Variants in PSMA3 observed in about 807,000 individuals in gnomAD.
PSMA3 encodes the protein proteasome 20S subunit alpha 3.
PSMA3 carries 8 observed loss-of-function variants against 40.0 expected under a neutral mutation model. The observed-to-expected ratio is 0.20, with a 90% CI of 0.12 to 0.36. PSMA3 has a LOEUF of 0.36. Ranked by LOEUF, PSMA3 falls within the 10% of genes least tolerant of loss-of-function variation. PSMA3 has a pLI of 1.00. For synonymous variants in PSMA3, 110 were observed against 100.0 expected (o/e 1.10, Z -0.59); for missense variants, 219 against 310.6 (o/e 0.70, Z 2.22).
chr14:58,255,163 T>C (rs995159229), intron 3 of PSMA3, among the ~76,000 whole-genome samples: 2 of 145,500 alleles, frequency 1.4e-5, no homozygotes, highest in African/African-American at 2.6e-5. Context: ...ACTTAGTGTT[T>C]ACATCCTAAA....
At chr14:58,264,196 T>C (rs1890367019) in intron 7 of PSMA3, among the ~76,000 whole-genome samples, 1 of 152,210 alleles carries the variant, frequency 6.6e-6, no homozygotes, top group African/African-American at 2.4e-5. Flanking sequence ...TTGAAACCTA[T>C]TTATGAATCT....
At position 58,264,589 on chromosome 14, in the gene PSMA3, A is replaced by G. The variant is rs1317391490; in HGVS notation, c.543+819A>G. 2.0e-5 allele frequency: 3 copies of G among 152,238 alleles called. No homozygotes were observed. In the East Asian group the frequency reaches 5.8e-4, roughly 29 times the overall value. 9.4% of individuals were successfully genotyped at this position (152,238 alleles called of 1,614,324 possible). A position where few individuals can be genotyped will look rare whatever the true frequency, so the allele number is the denominator to read the frequency against. Reference sequence around the variant, plus strand: ...TGAGATACAATTTCACATACATTTAATGTTAATGCTGTACTAGAACCCTGC... The same window carrying G: ...TGAGATACAATTTCACATACATTTAGTGTTAATGCTGTACTAGAACCCTGC... On this transcript the variant is annotated intron_variant, in intron 7 of 10. Transcript: ENST00000216455.
chr14:58,265,236 C>T (rs1380107663), intron 7 of PSMA3: 1 of 152,050 alleles, frequency 6.6e-6, no homozygotes. Context: ...GCACTCCAGC[C>T]AGGGCAACAG....
chr14:58,247,866 CTTTTA>C (rs755178100), intron 2 of PSMA3, 34 bp downstream of exon 2: 22 of 1,422,032 alleles, frequency 1.5e-5, no homozygotes, highest in South Asian at 6.2e-5. Context: ...TACATGTCTC[CTTTTA>C]TTTTATATAT....
At chr14:58,257,655 T>C in intron 3 of PSMA3, 90 bp from the exon 4 acceptor site, 1 of 1,201,416 alleles carries the variant, frequency 8.3e-7, no homozygotes, top group Non-Finnish European at 1.2e-6. Flanking sequence ...TAATACTTGT[T>C]AAAAAAATGT....
intron 5 of PSMA3, among the ~76,000 whole-genome samples, chr14:58,258,928 T>C (rs780127622): frequency 3.5e-5 from 4 of 114,118 alleles, no homozygotes; most frequent in Non-Finnish European, 7.3e-5. Flanking sequence ...ATTGGTAATA[T>C]TACATTAGGG....
At chr14:58,267,592 C>A (rs1441930506) in intron 8 of PSMA3, 72 bp downstream of exon 8, 50 of 1,395,822 alleles carry the variant, frequency 3.6e-5, no homozygotes, top group Middle Eastern at 1.9e-4. Context: ...TTACATTAAT[C>A]CTAAGAAGCT....
chr14:58,251,111 A>G (rs1034954557), intron 2 of PSMA3, among the ~76,000 whole-genome samples: 53 of 152,060 alleles, frequency 3.5e-4, no homozygotes, highest in Non-Finnish European at 6.5e-4. Flanking sequence ...TAAAAAAAAG[A>G]AGAAAGAGAA....
chr14:58,254,340 A>ATATATATATATATATATATATG lies in PSMA3; in HGVS notation c.228+2101_228+2102insATATATATATATATATATGTAT. Reference sequence around the variant, plus strand: ...TGAAAAAAATTATGCATGCATATATATATGTATGTACACACACACAGAGGT... The same window carrying ATATATATATATATATATATATG: ...TGAAAAAAATTATGCATGCATATATATATATATATATATATATATATGTATGTATGTACACACACACAGAGGT... On this transcript the variant is annotated intron_variant, in intron 3 of 10. Coordinates refer to ENST00000216455, the MANE Select transcript of PSMA3 (RefSeq NM_002788.4). 2.6e-4 allele frequency among the ~76,000 whole-genome samples: 9 copies of ATATATATATATATATATATATG among 34,800 alleles called. 1 individual carries two copies. Among genetic ancestry groups the ATATATATATATATATATATATG allele is most frequent in the East Asian group, 1.1e-3 (2 of 1,892 alleles). 22.8% of individuals were successfully genotyped at this position (34,800 alleles called of 152,430 possible). A position where few individuals can be genotyped will look rare whatever the true frequency, so the allele number is the denominator to read the frequency against.
intron 3 of PSMA3, among the ~76,000 whole-genome samples, chr14:58,254,333 C>CATGTATATATATATATATATATAT (rs1890090377): frequency 4.2e-5 from 1 of 23,792 alleles, no homozygotes; most frequent in Non-Finnish European, 8.3e-5. Context: ...ATTATGCATG[C>CATGTATATATATATATATATATAT]ATATATATAT....
intron 7 of PSMA3, 131 bp from the exon 8 acceptor site, chr14:58,267,343 C>T: frequency 8.1e-7 from 1 of 1,233,856 alleles, no homozygotes; most frequent in Non-Finnish European, 1.0e-6. Flanking sequence ...AATCAGGAAA[C>T]TTCGATTCTG....
chr14:58,257,887 A>C (rs201924571), intron 4 of PSMA3, 38 bp from the exon 5 acceptor site: 4 of 1,612,840 alleles, frequency 2.5e-6, no homozygotes, highest in Non-Finnish European at 3.4e-6. Flanking sequence ...GGACAGTAAT[A>C]GAAGTTTATT....
At chr14:58,246,057 G>A (rs1005663737) in intron 1 of PSMA3, among the ~76,000 whole-genome samples, 1 of 152,150 alleles carries the variant, frequency 6.6e-6, no homozygotes, top group African/African-American at 2.4e-5. Context: ...AACCATGTGG[G>A]ATATTTTAGT....
chr14:58,263,737 G>A lies in PSMA3; in HGVS notation c.510G>A (p.Arg170=), dbSNP rs17852654. 1,391 of 1,613,852 alleles carry A rather than the reference G, an allele frequency of 8.6e-4. No homozygotes were observed. The highest frequency in any genetic ancestry group is 1.1e-3 in the Non-Finnish European group (1,292 of 1,179,896). The part of the protein sequence containing the change: ...GYWGCAIGKA[R]QAAKTEIEKL... Reference sequence around the variant, plus strand: ...GGGGCTGTGCCATCGGCAAAGCCAGGCAAGCTGCAAAGACGGAAATAGAGA... The same window carrying A: ...GGGGCTGTGCCATCGGCAAAGCCAGACAAGCTGCAAAGACGGAAATAGAGA... Residue 170 remains arginine (R), a synonymous_variant, in exon 7 of 11, where the codon AGG becomes AGA. Transcript: ENST00000216455.
Position 58,271,848 on chromosome 14 carries a change from C to T in PSMA3, c.724-3C>T, listed in dbSNP as rs372180529. ...ATTTTAAACACCTGTTTTCTCTTAA[C>T]AGGAATCTCTGAAGGAAGAAGATGA... On this transcript the variant is annotated splice_polypyrimidine_tract_variant and splice_region_variant and intron_variant, in intron 10 of 10. Transcript: ENST00000216455. The T allele has an allele frequency of 2.5e-4, 395 of 1,595,456 alleles. No individual in the cohort carries two copies. Among genetic ancestry groups the T allele is most frequent in the Non-Finnish European group, 3.2e-4 (369 of 1,164,022 alleles).
At chr14:58,256,899 A>C (rs1452636040) in intron 3 of PSMA3, among the ~76,000 whole-genome samples, 1 of 150,272 alleles carries the variant, frequency 6.7e-6, no homozygotes, top group Non-Finnish European at 1.5e-5. Context: ...CAGGCTGATC[A>C]CCTGAGGTCA....
At chr14:58,254,820 C>G (rs1301835001) in intron 3 of PSMA3, among the ~76,000 whole-genome samples, 1 of 152,126 alleles carries the variant, frequency 6.6e-6, no homozygotes, top group Admixed American at 6.6e-5. Flanking sequence ...CTATTCTAAA[C>G]ACGCGTTTCC....
At chr14:58,265,716 A>G (rs1218307588) in intron 7 of PSMA3, 1 of 152,260 alleles carries the variant, frequency 6.6e-6, no homozygotes, top group African/African-American at 2.4e-5. Context: ...TGCCATTTAA[A>G]ATGTGCTTTT....
At chr14:58,266,225 T>C (rs1890438829) in intron 7 of PSMA3, 1 of 152,224 alleles carries the variant, frequency 6.6e-6, no homozygotes, top group Non-Finnish European at 1.5e-5. Flanking sequence ...TTGTTGTCAT[T>C]GTTCCTTCTT....
Sources: allele counts gnomAD v4.1 joint callset (sites outside exome capture counted in the v4.1 genomes callset), GRCh38; gene constraint gnomAD v4.1.1; transcripts MANE v1.5; gene names NCBI Gene and HGNC (gene_info 2026-07-23, HGNC 2026-07-21).